The following TBC1D2B variants were observed in gnomAD, a reference collection of about 807,000 sequenced individuals.
TBC1D2B encodes TBC1 domain family member 2B.
TBC1D2B carries 64 observed loss-of-function variants against 100.8 expected under a neutral mutation model. The ratio of observed to expected loss-of-function variants is 0.64; its 90% confidence interval spans 0.52 to 0.78. The LOEUF is 0.78. TBC1D2B is among the 30% of genes least tolerant of loss of function. The pLI, the probability that TBC1D2B is intolerant of heterozygous loss-of-function variation, is 0.00. For synonymous variants in TBC1D2B, 480 were observed against 479.7 expected (o/e 1.00, Z -0.01); for missense variants, 1,052 against 1,218.4 (o/e 0.86, Z 2.03).
At chr15:78,017,772 T>TA in intron 7 of TBC1D2B, 75 bp downstream of exon 7, 2 of 979,110 alleles carry the variant, frequency 2.0e-6, no homozygotes, top group Non-Finnish European at 3.1e-6. Context: ...AACCGCTTTG[T>TA]AAAGCATGCT....
intron 4 of TBC1D2B, among the ~76,000 whole-genome samples, chr15:78,028,358 C>A (rs2072724705): frequency 6.6e-6 from 1 of 152,134 alleles, no homozygotes. Context: ...ACCTGTAATA[C>A]CAGTTACTCA....
chr15:78,044,977 T>A lies in TBC1D2B; in HGVS notation c.606A>T (p.Gln202His). 1 of 1,613,902 alleles carries A rather than the reference T, an allele frequency of 6.2e-7. No homozygotes were observed. The highest frequency in any genetic ancestry group is 8.5e-7 in the Non-Finnish European group (1 of 1,179,828). Residue 202 changes from glutamine (Q) to histidine (H), a missense_variant, in exon 3 of 13, where the codon CAA (glutamine) becomes CAT (histidine). By Grantham distance (24) the Gln-to-His change is conservative. Around this residue, in one of 4 missense-constraint regions of TBC1D2B, gnomAD observed 627 missense variants for 646.1 expected, o/e 0.97. Transcript: ENST00000300584. ...GCCCTGGGGCGGGCTGATTTGCAGC[T>A]TGTTCTCCCACCAGCTCTCCAGGCA... ...ETVPGELVGE[Q>H]AANQPAPGHP...
At chr15:78,041,676 A>T (rs571292918) in intron 3 of TBC1D2B, among the ~76,000 whole-genome samples, 5 of 152,206 alleles carry the variant, frequency 3.3e-5, no homozygotes, top group Non-Finnish European at 5.9e-5. Context: ...AAACTTCATA[A>T]AGCATGCCAT....
chr15:78,067,356 C>T (rs2073675014), intron 1 of TBC1D2B, among the ~76,000 whole-genome samples: 1 of 152,140 alleles, frequency 6.6e-6, no homozygotes, highest in South Asian at 2.1e-4. Context: ...ACAGAAGCTC[C>T]CTGAGGCCAG....
chr15:78,054,097 C>T lies in TBC1D2B; in HGVS notation c.451G>A (p.Asp151Asn). 6.2e-7 allele frequency: 1 copy of T among 1,613,882 alleles called. No individual in the cohort carries two copies. Among genetic ancestry groups the T allele is most frequent in the Non-Finnish European group, 8.5e-7 (1 of 1,179,830 alleles). ...YCNSLDMVKW[D>N]SRTSPTPGDF... ...CCGGGAGTTGGAGAGGTCCTGCTGTCCCACTTGACCATGTCAAGACTGTTA... is the reference window on the plus strand; with the variant it reads ...CCGGGAGTTGGAGAGGTCCTGCTGTTCCACTTGACCATGTCAAGACTGTTA... Residue 151 changes from aspartate (D) to asparagine (N), a missense_variant, in exon 2 of 13, where the codon GAC (aspartate) becomes AAC (asparagine). Physicochemically the swap from Asp to Asn is conservative, Grantham distance 23. Coordinates refer to ENST00000300584, the MANE Select transcript of TBC1D2B (RefSeq NM_144572.2).
intron 9 of TBC1D2B, among the ~76,000 whole-genome samples, chr15:78,009,924 G>C (rs958412562): frequency 6.7e-6 from 1 of 148,164 alleles, no homozygotes; most frequent in Non-Finnish European, 1.5e-5. Context: ...GCAGTGAGCC[G>C]AGATAGCTCC....
chr15:78,047,399 A>C (rs986576683), intron 2 of TBC1D2B, among the ~76,000 whole-genome samples: 5 of 152,164 alleles, frequency 3.3e-5, no homozygotes, highest in African/African-American at 1.2e-4. Flanking sequence ...GAGAGACATA[A>C]GTAAAACAGT....
chr15:78,020,447 C>G (rs1218680621), intron 6 of TBC1D2B, among the ~76,000 whole-genome samples: 1 of 152,200 alleles, frequency 6.6e-6, no homozygotes, highest in African/African-American at 2.4e-5. Context: ...GCAACAACAC[C>G]TAACAGTGAA....
Position 78,012,804 on chromosome 15 carries a change from T to G in TBC1D2B, c.2270+19A>C. The G allele has an allele frequency of 1.4e-6, 2 of 1,448,672 alleles. No individual in the cohort carries two copies. The highest frequency in any genetic ancestry group is 1.8e-6 in the Non-Finnish European group (2 of 1,098,230). 89.7% of individuals were successfully genotyped at this position (1,448,672 alleles called of 1,614,324 possible). A position where few individuals can be genotyped will look rare whatever the true frequency, so the allele number is the denominator to read the frequency against. On this transcript the variant is annotated intron_variant, in intron 9 of 12. Transcript: ENST00000300584. ...AGTTGCCTAATGGCAAATGGGAACA[T>G]TTTGTGCTGTGCACCCACCTGTTTA...
intron 11 of TBC1D2B, 44 bp downstream of exon 11, chr15:78,003,261 G>A (rs757601718): frequency 2.4e-5 from 38 of 1,576,240 alleles, no homozygotes; most frequent in Non-Finnish European, 3.2e-5. Context: ...GCTGACGGTT[G>A]TCAAGTGTGT....
At position 78,016,306 on chromosome 15, in the gene TBC1D2B, C is replaced by T. The variant is rs902637416; in HGVS notation, c.1775+240G>A. Among the ~76,000 whole-genome samples the T allele has an allele frequency of 2.0e-5, 3 of 152,234 alleles. No homozygotes were observed. In the East Asian group the frequency reaches 5.8e-4, roughly 29 times the overall value. ...AAGTAAGGAAGGATCAGAAGGAAGG[C>T]TCCCTTACTTACACGAAAAATAGGT... On this transcript the variant is annotated intron_variant, in intron 8 of 12. Coordinates refer to ENST00000300584, the MANE Select transcript of TBC1D2B (RefSeq NM_144572.2).
intron 1 of TBC1D2B, among the ~76,000 whole-genome samples, chr15:78,055,900 G>A (rs931275780): frequency 1.3e-5 from 2 of 152,204 alleles, no homozygotes; most frequent in Non-Finnish European, 2.9e-5. Context: ...AGCAGAGCAG[G>A]CGACGCGGGG....
At chr15:78,069,521 A>T (rs1430125122) in intron 1 of TBC1D2B, among the ~76,000 whole-genome samples, 1 of 152,236 alleles carries the variant, frequency 6.6e-6, no homozygotes, top group Non-Finnish European at 1.5e-5. Flanking sequence ...TAAAAATACT[A>T]GGCATGACCA....
chr15:78,029,643 G>A (rs2072759154), intron 4 of TBC1D2B, among the ~76,000 whole-genome samples: 1 of 152,200 alleles, frequency 6.6e-6, no homozygotes, highest in Admixed American at 6.5e-5. Context: ...AGAGACCATA[G>A]TTCACATTGT....
rs1040457252 is a variant in TBC1D2B at position 77,997,145 on chromosome 15, T to TGGA, written c.*1012_*1014dup. The TGGA allele has an allele frequency of 3.9e-4, 59 of 152,560 alleles. No individual in the cohort carries two copies. Among genetic ancestry groups the TGGA allele is most frequent in the African/African-American group, 1.3e-3 (53 of 41,596 alleles). The allele number at this position is 152,560 out of a possible 1,614,324, so 9.5% of individuals were successfully genotyped here. On this transcript the variant is annotated 3_prime_UTR_variant, in exon 13 of 13. Transcript: ENST00000300584. ...CGGCCTCCTGCACAACCCAGGCAGG[T>TGGA]GGAGACACCAGGAGCACTGGCCATC...
In TBC1D2B at chr15:78,077,620, G is replaced by T; in HGVS notation, c.33C>A (p.Gly11=). The change falls in exon 1 of 13, where the codon GGC becomes GGA. Residue 11 remains glycine (G), a synonymous_variant. Coordinates refer to ENST00000300584, the MANE Select transcript of TBC1D2B (RefSeq NM_144572.2). The stretch of plus-strand genomic sequence containing the variant: ...GCGCCGCGCCCTCGCCGCCGCCGCC[G>T]CCCTCCTCCGCCCGGGCTCCGGCCC... MPGAGARAEE[G]GGGGEGAAQG... The T allele has an allele frequency of 1.0e-6, 1 of 986,826 alleles. No homozygotes were observed. The allele number at this position is 986,826 out of a possible 1,614,324, so 61.1% of individuals were successfully genotyped here.
intron 3 of TBC1D2B, among the ~76,000 whole-genome samples, chr15:78,043,460 T>C (rs2141767012): frequency 6.6e-6 from 1 of 152,266 alleles, no homozygotes; most frequent in South Asian, 2.1e-4. Context: ...AGTGCAGTGA[T>C]GCGAACTCAG....
rs969725441 is a variant in TBC1D2B, at chr15:78,025,158, G to T, written c.1086+101C>A. On this transcript the variant is annotated intron_variant, in intron 5 of 12. Transcript: ENST00000300584. ...GGAAAAGCAACTCCTGGGAAACAAA[G>T]CTGTCCCCAGAAAGACTCAGGGAAA... is the stretch of plus-strand genomic sequence containing the variant. The T allele has an allele frequency of 9.8e-5, 97 of 993,456 alleles. 1 individual carries two copies. The East Asian group carries it at 2.4e-3, about 25-fold the overall frequency. The allele number at this position is 993,456 out of a possible 1,614,324, so 61.5% of individuals were successfully genotyped here. A position where few individuals can be genotyped will look rare whatever the true frequency, so the allele number is the denominator to read the frequency against.
intron 5 of TBC1D2B, 58 bp from the exon 6 acceptor site, chr15:78,024,597 G>A (rs2072609965): frequency 6.8e-7 from 1 of 1,479,550 alleles, no homozygotes; most frequent in South Asian, 1.3e-5. Context: ...AGGAGGAAAA[G>A]CAGAAATCAT....
Sources: gnomAD v4.1 joint callset for allele counts (sites outside exome capture counted in the v4.1 genomes callset) on GRCh38, gnomAD v4.1.1 for gene constraint, gnomAD v4.1.1 regional missense constraint, MANE v1.5 for transcripts, NCBI Gene and HGNC (gene_info 2026-07-23, HGNC 2026-07-21) for gene names.